PCDHGA3: variants seen among roughly 807,000 people sequenced by gnomAD.
The protein encoded by PCDHGA3 is protocadherin gamma-A3.
Under a neutral mutation model 58.5 loss-of-function variants are expected in PCDHGA3, and 40 were observed. The observed-to-expected ratio is 0.68, with a 90% confidence interval of 0.53 to 0.89. The LOEUF is 0.89. Ranked by LOEUF, PCDHGA3 falls within the 40% of genes least tolerant of loss-of-function variation. The pLI, the probability that PCDHGA3 is intolerant of heterozygous loss-of-function variation, is 0.00. For synonymous variants in PCDHGA3, 530 were observed against 525.7 expected (o/e 1.01, Z -0.11); for missense variants, 1,223 against 1,195.9 (o/e 1.02, Z -0.33).
At chr5:141,456,352 C>T (rs1253586137) in intron 1 of PCDHGA3, among the ~76,000 whole-genome samples, 1 of 152,050 alleles carries the variant, frequency 6.6e-6, no homozygotes, top group Non-Finnish European at 1.5e-5. Flanking sequence ...GGAAGAATGG[C>T]GTCCATGTGT....
At chr5:141,347,182 G>A (rs1490155209) in intron 1 of PCDHGA3, among the ~76,000 whole-genome samples, 2 of 26,144 alleles carry the variant, frequency 7.6e-5, no homozygotes, top group East Asian at 1.1e-3. Flanking sequence ...TTTCTTTCTT[G>A]ACAGGGTCTT....
Position 141,492,511 on chromosome 5 carries a change from C to T in PCDHGA3, c.2425-2296C>T, listed in dbSNP as rs58889912. Among the ~76,000 whole-genome samples the T allele has an allele frequency of 1.7e-3, 262 of 152,326 alleles. 2 individuals are homozygous for T. The highest frequency in any genetic ancestry group is 6.0e-3 in the African/African-American group (249 of 41,582). On this transcript the variant is annotated intron_variant, in intron 1 of 3. Coordinates refer to ENST00000253812, the MANE Select transcript of PCDHGA3 (RefSeq NM_018916.4). Reference sequence around the variant, plus strand: ...CCAGGCGAGGACTCCGGAGCCTCCTCTCACCTCTCCCACCTGCGCCCCGGG... The same window carrying T: ...CCAGGCGAGGACTCCGGAGCCTCCTTTCACCTCTCCCACCTGCGCCCCGGG...
intron 1 of PCDHGA3, among the ~76,000 whole-genome samples, chr5:141,450,564 G>A (rs1397334260): frequency 2.0e-5 from 3 of 151,932 alleles, no homozygotes; most frequent in African/African-American, 7.3e-5. Context: ...TCGGCTCACT[G>A]CAACTTCTGC....
At chr5:141,398,910 G>A (rs1465229535) in intron 1 of PCDHGA3, 1 of 1,613,972 alleles carries the variant, frequency 6.2e-7, no homozygotes, top group South Asian at 1.1e-5. Flanking sequence ...GCACCACTGT[G>A]TTGCAAGTGT....
At chr5:141,389,424 G>T in intron 1 of PCDHGA3, 1 of 1,613,510 alleles carries the variant, frequency 6.2e-7, no homozygotes, top group Non-Finnish European at 8.5e-7. Context: ...GGTGGTGTTC[G>T]CGCAGCGCGC....
chr5:141,418,123 C>A (rs1049456676), intron 1 of PCDHGA3: 8 of 1,613,914 alleles, frequency 5.0e-6, no homozygotes, highest in Admixed American at 3.3e-5. Flanking sequence ...TTGTGAAGGA[C>A]CGAATAGACC....
Position 141,491,382 on chromosome 5 carries a change from G to T in PCDHGA3, c.2425-3425G>T, listed in dbSNP as rs918558. 0.21 allele frequency: 331,798 copies of T among 1,613,774 alleles called. 36,318 individuals are homozygous for T. The highest frequency in any genetic ancestry group is 0.37 in the Admixed American group (22,359 of 60,012). ...TAGTCACCTTCACCTTTCTGTCAGC[G>T]AAGTGCCTTCAGGGAAACGCAGACG... is the stretch of plus-strand genomic sequence containing the variant. On this transcript the variant is annotated intron_variant, in intron 1 of 3. Transcript: ENST00000253812. This position sits in a 1 kb window ranked among gnomAD's most constrained non-coding sequence, Gnocchi z 6.9.
At chr5:141,442,689 G>A (rs966261716) in intron 1 of PCDHGA3, among the ~76,000 whole-genome samples, 1 of 152,238 alleles carries the variant, frequency 6.6e-6, no homozygotes, top group South Asian at 2.1e-4. Context: ...CAGTAGTCAG[G>A]CAGACAAGAG....
intron 2 of PCDHGA3, among the ~76,000 whole-genome samples, chr5:141,499,940 G>A (rs1158937971): frequency 4.0e-5 from 6 of 151,722 alleles, no homozygotes; most frequent in Non-Finnish European, 8.8e-5. Flanking sequence ...CACCCTCCTC[G>A]GCCTCCCAAA....
At chr5:141,356,829 C>T in intron 1 of PCDHGA3, 2 of 1,614,168 alleles carry the variant, frequency 1.2e-6, no homozygotes, top group Non-Finnish European at 1.7e-6. Context: ...CTCCACTCAG[C>T]AGCAATGTGT....
intron 1 of PCDHGA3, chr5:141,364,436 C>T: frequency 6.2e-7 from 1 of 1,613,758 alleles, no homozygotes; most frequent in Non-Finnish European, 8.5e-7. Context: ...CTACTCGATG[C>T]CGGAGGAGCT....
intron 1 of PCDHGA3, chr5:141,362,235 A>C: frequency 6.2e-7 from 1 of 1,613,852 alleles, no homozygotes; most frequent in East Asian, 2.2e-5. Context: ...CCTTGATCTC[A>C]GTGCTCTTCT....
chr5:141,376,868 T>G, intron 1 of PCDHGA3: 1 of 220,664 alleles, frequency 4.5e-6, no homozygotes, highest in East Asian at 1.2e-4. Flanking sequence ...TTTGTATTTT[T>G]AGTAGAGACG....
At chr5:141,482,457 C>T (rs1279922250) in intron 1 of PCDHGA3, among the ~76,000 whole-genome samples, 3 of 147,484 alleles carry the variant, frequency 2.0e-5, no homozygotes, top group Non-Finnish European at 3.0e-5. Context: ...TATTAGCATC[C>T]CTATGTGCCA....
At chr5:141,402,919 G>T in intron 1 of PCDHGA3, 1 of 1,572,640 alleles carries the variant, frequency 6.4e-7, no homozygotes, top group Non-Finnish European at 8.6e-7. Flanking sequence ...CGCGCACAGA[G>T]ATCCTTTTGA....
At chr5:141,364,703 G>T (rs1281129906) in intron 1 of PCDHGA3, 4 of 1,613,812 alleles carry the variant, frequency 2.5e-6, no homozygotes, top group Non-Finnish European at 2.5e-6. Context: ...AGAAATAATC[G>T]ATATTAATGA....
Position 141,476,013 on chromosome 5 carries a change from G to A in PCDHGA3, c.2425-18794G>A. ...AAATCAACGGCATCCAGAAAGCCAT[G>A]TCGGACTCGGCGCCCAGCGCCCAAG... On this transcript the variant is annotated intron_variant, in intron 1 of 3. Coordinates refer to ENST00000253812, the MANE Select transcript of PCDHGA3 (RefSeq NM_018916.4). The surrounding 1 kb of genome is among the most constrained non-coding windows in gnomAD (Gnocchi z 7.6). The A allele has an allele frequency of 7.5e-7, 1 of 1,334,720 alleles. No individual in the cohort carries two copies. The highest frequency in any genetic ancestry group is 1.0e-6 in the Non-Finnish European group (1 of 983,502). 82.7% of individuals were successfully genotyped at this position (1,334,720 alleles called of 1,614,324 possible). A position where few individuals can be genotyped will look rare whatever the true frequency, so the allele number is the denominator to read the frequency against.
chr5:141,507,075 C>T (rs1006779614), intron 3 of PCDHGA3: 25 of 152,176 alleles, frequency 1.6e-4, no homozygotes, highest in Admixed American at 1.1e-3. Context: ...CCTGGCTCAA[C>T]TCCTAAGTTT....
chr5:141,476,850 A>C lies in PCDHGA3; in HGVS notation c.2425-17957A>C, dbSNP rs747333239. Reference sequence around the variant, plus strand: ...GCGAATGACAATGCGCCTGTCTTCAACCAGTCCTTGTACCGGGCGCGCGTC... The same window carrying C: ...GCGAATGACAATGCGCCTGTCTTCACCCAGTCCTTGTACCGGGCGCGCGTC... On this transcript the variant is annotated intron_variant, in intron 1 of 3. Transcript: ENST00000253812. The surrounding 1 kb of genome is among the most constrained non-coding windows in gnomAD (Gnocchi z 7.6). The C allele has an allele frequency of 5.6e-6, 9 of 1,613,718 alleles. No individual in the cohort carries two copies. Among genetic ancestry groups the C allele is most frequent in the Non-Finnish European group, 7.6e-6 (9 of 1,180,054 alleles).
Sources: gnomAD v4.1 joint callset for allele counts (sites outside exome capture counted in the v4.1 genomes callset) on GRCh38, gnomAD v4.1.1 for gene constraint, Gnocchi (gnomAD v3.1) non-coding constraint, MANE v1.5 for transcripts, NCBI Gene and HGNC (gene_info 2026-07-23, HGNC 2026-07-21) for gene names.